The following TSGA10 variants were observed in gnomAD, a reference collection of about 807,000 sequenced individuals.
TSGA10 encodes testis specific 10, also known as testis-specific gene 10 protein.
TSGA10 carries 43 observed loss-of-function variants against 96.6 expected under a neutral mutation model. The ratio of observed to expected loss-of-function variants is 0.44; its 90% CI spans 0.35 to 0.57. The LOEUF is 0.57. Ranked by LOEUF, TSGA10 falls within the 20% of genes least tolerant of loss-of-function variation. The probability of loss-of-function intolerance (pLI) is 0.01; values close to 1 mark genes in which losing one functional copy is unlikely to be tolerated. For synonymous variants in TSGA10, 229 were observed against 269.9 expected (o/e 0.85, Z 1.48); for missense variants, 703 against 834.4 (o/e 0.84, Z 1.94).
At chr2:99,059,957 A>G (rs1486637249) in intron 16 of TSGA10, among the ~76,000 whole-genome samples, 2 of 151,038 alleles carry the variant, frequency 1.3e-5, no homozygotes, top group Middle Eastern at 3.2e-3. Context: ...CCTGCAGCTA[A>G]TATCATATTC....
intron 10 of TSGA10, among the ~76,000 whole-genome samples, chr2:99,088,843 C>G (rs1404190451): frequency 6.6e-6 from 1 of 152,176 alleles, no homozygotes; most frequent in Non-Finnish European, 1.5e-5. Context: ...CTATGGACTA[C>G]TACTTCACAA....
At chr2:99,017,531 C>T (rs978452131) in intron 20 of TSGA10, among the ~76,000 whole-genome samples, 70 of 152,052 alleles carry the variant, frequency 4.6e-4, no homozygotes, top group African/African-American at 1.6e-3. Flanking sequence ...TTTGGGAGGC[C>T]GAGGCAGGCG....
At chr2:99,050,456 C>G (rs534963702) in intron 16 of TSGA10, among the ~76,000 whole-genome samples, 2 of 152,142 alleles carry the variant, frequency 1.3e-5, no homozygotes, top group Non-Finnish European at 2.9e-5. Flanking sequence ...AATCCAAAAT[C>G]TGAAATATTT....
intron 17 of TSGA10, among the ~76,000 whole-genome samples, chr2:99,030,394 T>G (rs1215198008): frequency 1.3e-5 from 2 of 151,898 alleles, no homozygotes; most frequent in African/African-American, 4.8e-5. Context: ...ACGCCTGTAA[T>G]CCCAGCATTT....
rs983520857 is a variant in TSGA10 at position 99,102,262 on chromosome 2, T to C, written c.611+1705A>G. On this transcript the variant is annotated intron_variant, in intron 10 of 20. Transcript: ENST00000393483. The stretch of plus-strand genomic sequence containing the variant: ...TTAGTACCTGGTGGCAAAGCTACTT[T>C]GGTGATGAAGAAAGGAGATGTGGAG... 7 of 1,612,582 alleles carry C rather than the reference T, an allele frequency of 4.3e-6. No individual in the cohort carries two copies. The African/African-American group carries it at 6.7e-5, about 15-fold the overall frequency.
At chr2:99,054,567 G>GA (rs1011867679) in intron 16 of TSGA10, among the ~76,000 whole-genome samples, 2 of 152,014 alleles carry the variant, frequency 1.3e-5, no homozygotes, top group Non-Finnish European at 2.9e-5. Context: ...AGTGTGAAGA[G>GA]AAAATCTACA....
intron 2 of TSGA10, among the ~76,000 whole-genome samples, chr2:99,121,732 C>G (rs954128562): frequency 1.7e-4 from 26 of 152,190 alleles, no homozygotes; most frequent in African/African-American, 6.3e-4. Flanking sequence ...TGCCAAAGTG[C>G]AGGGATTATA....
chr2:99,117,731 C>A lies in TSGA10; in HGVS notation c.-327G>T, dbSNP rs1374159550. 2.0e-5 allele frequency: 20 copies of A among 985,606 alleles called. No homozygotes were observed. The highest frequency in any genetic ancestry group is 2.4e-5 in the Non-Finnish European group (20 of 829,884). 61.1% of individuals were successfully genotyped at this position (985,606 alleles called of 1,614,324 possible). On this transcript the variant is annotated 5_prime_UTR_variant, in exon 4 of 21. Coordinates refer to ENST00000393483, the MANE Select transcript of TSGA10 (RefSeq NM_025244.4). ...GAGTTTCCTAACATATTCTTCCAAG[C>A]CATGATTTGTCTGTTTGAGATCTTC...
intron 14 of TSGA10, among the ~76,000 whole-genome samples, chr2:99,069,599 GA>G (rs2085677506): frequency 6.7e-6 from 1 of 150,364 alleles, no homozygotes; most frequent in Admixed American, 6.6e-5. Flanking sequence ...AAGAGTTTGA[GA>G]CCAGCCTGAA....
At chr2:99,096,531 G>A (rs2090054893) in intron 10 of TSGA10, among the ~76,000 whole-genome samples, 1 of 152,204 alleles carries the variant, frequency 6.6e-6, no homozygotes, top group Non-Finnish European at 1.5e-5. Flanking sequence ...TTTAATGGCA[G>A]CAGTGTCAAC....
intron 16 of TSGA10, among the ~76,000 whole-genome samples, chr2:99,050,478 C>T (rs140313663): frequency 0.011 from 1,628 of 152,094 alleles, 9 homozygotes; most frequent in Middle Eastern, 0.027. Flanking sequence ...TGGTCCCAAG[C>T]ATTCTGGATA....
intron 10 of TSGA10, among the ~76,000 whole-genome samples, chr2:99,092,314 T>C (rs2089452389): frequency 6.6e-6 from 1 of 152,108 alleles, no homozygotes; most frequent in African/African-American, 2.4e-5. Flanking sequence ...TAGCTTTAAA[T>C]GCCTACATCA....
At chr2:99,135,354 G>A (rs1001592994) in intron 1 of TSGA10, among the ~76,000 whole-genome samples, 1 of 152,154 alleles carries the variant, frequency 6.6e-6, no homozygotes, top group Non-Finnish European at 1.5e-5. Context: ...CACCCAGTTC[G>A]AACTTCCCAC....
chr2:99,147,519 C>T lies in TSGA10; in HGVS notation c.-621+7174G>A, dbSNP rs140408417. The T allele has an allele frequency of 3.7e-5, 59 of 1,606,872 alleles. No individual in the cohort carries two copies. The African/African-American group carries it at 7.3e-4, about 20-fold the overall frequency. On this transcript the variant is annotated intron_variant, in intron 1 of 20. Transcript: ENST00000393483. ...GTAAGACTCACAGGGCCAAGTCTAC[C>T]CTATTATACTTGGTTCCTCCTCAGT...
intron 14 of TSGA10, among the ~76,000 whole-genome samples, chr2:99,069,444 G>T (rs59858119): frequency 1.4e-3 from 210 of 152,012 alleles, no homozygotes; most frequent in African/African-American, 4.8e-3. Context: ...AGACAAAAAT[G>T]TTGATTATTT....
intron 16 of TSGA10, among the ~76,000 whole-genome samples, chr2:99,042,080 T>A (rs867652001): frequency 5.1e-4 from 77 of 151,172 alleles, no homozygotes; most frequent in African/African-American, 1.8e-3. Flanking sequence ...TCTTACTCTG[T>A]TGCCCAGGCT....
chr2:99,071,892 G>A lies in TSGA10; in HGVS notation c.939-18C>T. The A allele has an allele frequency of 6.3e-7, 1 of 1,592,152 alleles. No homozygotes were observed. Among genetic ancestry groups the A allele is most frequent in the Non-Finnish European group, 8.6e-7 (1 of 1,169,484 alleles). ...TACACTGTCTATTCCACAAATCAAA[G>A]AGTACATAAGAAGAGACATTTTACT... On this transcript the variant is annotated intron_variant, in intron 13 of 20. Transcript: ENST00000393483.
chr2:99,072,957 A>G, intron 13 of TSGA10, 61 bp downstream of exon 13: 1 of 1,154,408 alleles, frequency 8.7e-7, no homozygotes, highest in Non-Finnish European at 1.3e-6. Context: ...CTATCTTTGT[A>G]CCTAACATGG....
intron 10 of TSGA10, among the ~76,000 whole-genome samples, chr2:99,087,690 GAAAAAGAAATACTAA>G (rs1279445710): frequency 2.0e-5 from 3 of 151,746 alleles, no homozygotes; most frequent in East Asian, 3.9e-4. Flanking sequence ...AGTGTCTCTA[GAAAAAGAAATACTAA>G]AATTTTTTGT....
Sources: gnomAD v4.1 joint callset for allele counts (sites outside exome capture counted in the v4.1 genomes callset) on GRCh38, gnomAD v4.1.1 for gene constraint, MANE v1.5 for transcripts, NCBI Gene and HGNC (gene_info 2026-07-23, HGNC 2026-07-21) for gene names.